The following DKK2 variants were observed in gnomAD, a reference collection of about 807,000 sequenced individuals.
DKK2 encodes the protein dickkopf Wnt signaling pathway inhibitor 2.
Under a neutral mutation model 28.1 loss-of-function variants are expected in DKK2, and 11 were observed. The observed-to-expected ratio is 0.39, with a 90% CI of 0.25 to 0.65. The LOEUF is 0.65. Ranked by LOEUF, DKK2 falls within the 30% of genes least tolerant of loss-of-function variation. The pLI is 0.47. For missense variants in DKK2, 326 were observed against 335.5 expected, an observed-to-expected ratio of 0.97 and a Z score of 0.22; for synonymous variants, 135 against 126.5, an observed-to-expected ratio of 1.07 and a Z score of -0.45.
chr4:107,002,424 T>G (rs1723372678), intron 1 of DKK2, among the ~76,000 whole-genome samples: 1 of 152,216 alleles, frequency 6.6e-6, no homozygotes, highest in South Asian at 2.1e-4. Flanking sequence ...CCGAAAAAAT[T>G]TATTTTTACA....
At chr4:107,010,780 G>A (rs1480130139) in intron 1 of DKK2, among the ~76,000 whole-genome samples, 1 of 151,178 alleles carries the variant, frequency 6.6e-6, no homozygotes, top group South Asian at 2.1e-4. Flanking sequence ...AAGTACTGAG[G>A]TCCCCAAAGT....
intron 1 of DKK2, among the ~76,000 whole-genome samples, chr4:106,942,034 A>G (rs1470923392): frequency 6.6e-6 from 1 of 152,154 alleles, no homozygotes; most frequent in Non-Finnish European, 1.5e-5. Flanking sequence ...ATTTATGTCT[A>G]GTGAACAACA....
intron 1 of DKK2, among the ~76,000 whole-genome samples, chr4:106,968,990 G>A (rs979571783): frequency 1.3e-5 from 2 of 152,076 alleles, no homozygotes; most frequent in African/African-American, 2.4e-5. Flanking sequence ...TTATAGGCAT[G>A]CGGAAAGTAA....
intron 1 of DKK2, among the ~76,000 whole-genome samples, chr4:107,024,093 A>C (rs1393270917): frequency 6.6e-6 from 1 of 152,118 alleles, no homozygotes; most frequent in Non-Finnish European, 1.5e-5. Flanking sequence ...CTGGCTTTAC[A>C]ATTGGTTATT....
intron 1 of DKK2, among the ~76,000 whole-genome samples, chr4:106,989,057 C>T (rs1020198631): frequency 6.6e-5 from 10 of 152,092 alleles, no homozygotes; most frequent in African/African-American, 2.4e-4. Flanking sequence ...AGTGACCTGA[C>T]AAGCACTTGG....
chr4:106,924,497 T>C (rs747361659), intron 3 of DKK2, 48 bp downstream of exon 3: 1 of 1,573,728 alleles, frequency 6.4e-7, no homozygotes, highest in Non-Finnish European at 8.6e-7. Context: ...TATATTTTTC[T>C]TCTATTTCTT....
intron 1 of DKK2, among the ~76,000 whole-genome samples, chr4:106,979,230 C>T (rs1722992412): frequency 6.6e-6 from 1 of 151,988 alleles, no homozygotes; most frequent in South Asian, 2.1e-4. Flanking sequence ...ATATTATATT[C>T]ATATATTTTC....
chr4:106,986,216 A>G (rs370429737), intron 1 of DKK2, among the ~76,000 whole-genome samples: 5 of 152,214 alleles, frequency 3.3e-5, no homozygotes, highest in African/African-American at 1.2e-4. Context: ...CTGTCAGCGC[A>G]CTAGGAGTTT....
chr4:106,934,097 A>G (rs1051138811), intron 1 of DKK2, among the ~76,000 whole-genome samples: 5 of 151,968 alleles, frequency 3.3e-5, no homozygotes, highest in African/African-American at 1.2e-4. Flanking sequence ...ATATGTATGT[A>G]TAAAATTAGC....
At chr4:106,932,253 A>G (rs1724514761) in intron 1 of DKK2, among the ~76,000 whole-genome samples, 1 of 152,200 alleles carries the variant, frequency 6.6e-6, no homozygotes, top group African/African-American at 2.4e-5. Context: ...TCTGAATTAC[A>G]AATTAGGAAT....
chr4:106,939,884 G>T (rs1167094750), intron 1 of DKK2, among the ~76,000 whole-genome samples: 1 of 152,192 alleles, frequency 6.6e-6, no homozygotes. Context: ...AATAAATGGT[G>T]CTGGGAAAAC....
At chr4:106,987,378 TAA>T (rs1390471388) in intron 1 of DKK2, among the ~76,000 whole-genome samples, 2 of 152,224 alleles carry the variant, frequency 1.3e-5, no homozygotes, top group African/African-American at 2.4e-5. Flanking sequence ...AATAATTATA[TAA>T]GTCAGGAGTC....
chr4:106,968,458 G>A (rs527241940), intron 1 of DKK2, among the ~76,000 whole-genome samples: 16 of 152,176 alleles, frequency 1.1e-4, no homozygotes, highest in Admixed American at 9.8e-4. Context: ...TCATGTGAAC[G>A]TGTGTGTGTA....
chr4:106,940,094 C>A (rs868691151), intron 1 of DKK2, among the ~76,000 whole-genome samples: 8 of 152,216 alleles, frequency 5.3e-5, no homozygotes, highest in South Asian at 2.1e-4. Flanking sequence ...GCAACAAAAG[C>A]CAAAATTGAC....
chr4:106,954,105 T>G (rs557647233), intron 1 of DKK2, among the ~76,000 whole-genome samples: 12 of 152,332 alleles, frequency 7.9e-5, no homozygotes, highest in African/African-American at 2.9e-4. Flanking sequence ...AAAGTTATTA[T>G]TCTCATTGAT....
intron 1 of DKK2, among the ~76,000 whole-genome samples, chr4:107,005,335 G>C: frequency 8.0e-6 from 1 of 125,692 alleles, no homozygotes; most frequent in South Asian, 2.7e-4. Flanking sequence ...AGGGAGACTT[G>C]GTCTCAAAAA....
chr4:107,022,785 C>T (rs544043380), intron 1 of DKK2, among the ~76,000 whole-genome samples: 57 of 151,970 alleles, frequency 3.8e-4, no homozygotes, highest in African/African-American at 1.3e-3. Context: ...AGCAATAAAC[C>T]AGTAAAAAAG....
chr4:106,954,852 G>T (rs756323186), intron 1 of DKK2, among the ~76,000 whole-genome samples: 1 of 152,124 alleles, frequency 6.6e-6, no homozygotes, highest in East Asian at 1.9e-4. Context: ...ACAGAGAAAA[G>T]CAGGTCTTTG....
chr4:106,983,317 G>GGACGA (rs1553923088), intron 1 of DKK2, among the ~76,000 whole-genome samples: 1 of 68,740 alleles, frequency 1.5e-5, no homozygotes, highest in Non-Finnish European at 2.8e-5. Context: ...AAGAAAGAAA[G>GGACGA]AAGAAAGAAA....
Sources: allele counts gnomAD v4.1 joint callset (sites outside exome capture counted in the v4.1 genomes callset), GRCh38; gene constraint gnomAD v4.1.1; transcripts MANE v1.5; gene names NCBI Gene and HGNC (gene_info 2026-07-23, HGNC 2026-07-21).